The following FLT1 variants were observed in gnomAD, a reference collection of about 807,000 sequenced individuals.
FLT1 encodes the protein vascular endothelial growth factor receptor 1.
A neutral mutation model predicts 156.3 loss-of-function variants in FLT1; 49 were observed. The observed-to-expected ratio is 0.31, with a 90% CI of 0.25 to 0.40. The LOEUF (loss-of-function observed/expected upper bound fraction) is 0.40. FLT1 is among the 10% of genes least tolerant of loss of function. The pLI is 1.00. For synonymous variants in FLT1, 594 were observed against 583.8 expected (o/e 1.02, Z -0.25); for missense variants, 1,322 against 1,637.2 (o/e 0.81, Z 3.32).
At chr13:28,370,259 G>A (rs999298858) in intron 14 of FLT1, among the ~76,000 whole-genome samples, 3 of 151,940 alleles carry the variant, frequency 2.0e-5, no homozygotes, top group South Asian at 4.2e-4. Context: ...ATAGACAAAG[G>A]TCCTTTCATT....
At chr13:28,437,930 T>C (rs1172345656) in intron 4 of FLT1, among the ~76,000 whole-genome samples, 1 of 152,274 alleles carries the variant, frequency 6.6e-6, no homozygotes, top group East Asian at 1.9e-4. Context: ...TTGATTTTTC[T>C]CACATTTGCA....
intron 11 of FLT1, among the ~76,000 whole-genome samples, chr13:28,402,709 T>A (rs1478103643): frequency 6.6e-6 from 1 of 152,230 alleles, no homozygotes; most frequent in African/African-American, 2.4e-5. Flanking sequence ...CATATGACAT[T>A]CACTTTACTA....
chr13:28,351,441 C>A (rs1053452549), intron 15 of FLT1, among the ~76,000 whole-genome samples: 5 of 152,186 alleles, frequency 3.3e-5, no homozygotes, highest in African/African-American at 1.2e-4. Context: ...GCAACATAAG[C>A]CACTCAACCA....
chr13:28,354,943 A>G (rs1872847513), intron 15 of FLT1, among the ~76,000 whole-genome samples: 1 of 152,248 alleles, frequency 6.6e-6, no homozygotes, highest in Non-Finnish European at 1.5e-5. Context: ...ATTATCAGTA[A>G]TGCAGTATTC....
At chr13:28,361,958 T>A (rs1873128907) in intron 14 of FLT1, among the ~76,000 whole-genome samples, 1 of 152,206 alleles carries the variant, frequency 6.6e-6, no homozygotes, top group African/African-American at 2.4e-5. Flanking sequence ...AGAAGGAGAA[T>A]ACAGCTGGAC....
At chr13:28,376,307 C>T (rs1486411072) in intron 14 of FLT1, among the ~76,000 whole-genome samples, 1 of 152,240 alleles carries the variant, frequency 6.6e-6, no homozygotes. Context: ...TTCTCTCCTG[C>T]TCCACCCTCA....
In FLT1 at chr13:28,302,543, C is replaced by G. The variant is rs1186261220; in HGVS notation, c.*624G>C. The stretch of plus-strand genomic sequence containing the variant: ...GCTGTCCATCTGCTCCTGGCTGGGC[C>G]CTCAAATGTAGAAGGGTCAGAGCTG... On this transcript the variant is annotated 3_prime_UTR_variant, in exon 30 of 30. Coordinates refer to ENST00000282397, the MANE Select transcript of FLT1 (RefSeq NM_002019.4). 1 of 233,266 alleles carries G rather than the reference C, an allele frequency of 4.3e-6. No individual in the cohort carries two copies. The highest frequency in any genetic ancestry group is 2.2e-5 in the African/African-American group (1 of 45,338). The allele number at this position is 233,266 out of a possible 1,614,324, so 14.4% of individuals were successfully genotyped here.
chr13:28,438,096 C>A, intron 4 of FLT1, 125 bp downstream of exon 4: 1 of 872,060 alleles, frequency 1.1e-6, no homozygotes, highest in Non-Finnish European at 1.9e-6. Flanking sequence ...AAGGATGTTA[C>A]AGGAAAGTCC....
chr13:28,474,596 T>C (rs1880444583), intron 1 of FLT1, among the ~76,000 whole-genome samples: 1 of 151,926 alleles, frequency 6.6e-6, no homozygotes, highest in Non-Finnish European at 1.5e-5. Context: ...ATTCCATTTA[T>C]ATGAAATGTT....
chr13:28,430,206 A>G, intron 7 of FLT1, 39 bp from the exon 8 acceptor site: 1 of 1,455,686 alleles, frequency 6.9e-7, no homozygotes, highest in Non-Finnish European at 9.7e-7. Context: ...AGAAAAGAAT[A>G]ATTTCCATAA....
In FLT1 at chr13:28,303,120, G is replaced by A. The variant is rs781195201; in HGVS notation, c.*47C>T. The A allele has an allele frequency of 2.6e-6, 4 of 1,537,944 alleles. No individual in the cohort carries two copies. The highest frequency in any genetic ancestry group is 3.6e-6 in the Non-Finnish European group (4 of 1,122,082). On this transcript the variant is annotated 3_prime_UTR_variant, in exon 30 of 30. Coordinates refer to ENST00000282397, the MANE Select transcript of FLT1 (RefSeq NM_002019.4). ...TACTGGCAAAAGCTAGTTTCCTGGG[G>A]GTATAAATACACATGTGCTTCTAGA...
At chr13:28,494,735 C>A (rs1208988531) in intron 1 of FLT1, 45 bp downstream of exon 1, 2 of 1,478,696 alleles carry the variant, frequency 1.4e-6, no homozygotes, top group Admixed American at 3.9e-5. Context: ...CTCCGGCCGC[C>A]CCATCGCAGC....
intron 23 of FLT1, 33 bp from the exon 24 acceptor site, chr13:28,319,567 G>C: frequency 1.5e-6 from 2 of 1,346,874 alleles, no homozygotes; most frequent in Non-Finnish European, 2.1e-6. Context: ...TGAGCAGAAG[G>C]GCATGAAAAC....
intron 3 of FLT1, among the ~76,000 whole-genome samples, chr13:28,448,851 C>G (rs1202715728): frequency 4.6e-5 from 7 of 152,110 alleles, no homozygotes; most frequent in Non-Finnish European, 1.0e-4. Context: ...TGGAATGGTT[C>G]CCAGAGATCT....
At chr13:28,386,477 T>C in intron 13 of FLT1, 1 of 1,047,498 alleles carries the variant, frequency 9.5e-7, no homozygotes, top group Non-Finnish European at 1.2e-6. Context: ...AAAAGTGTGC[T>C]GAAGGAAGTG....
chr13:28,426,627 G>C (rs143877525), intron 10 of FLT1, among the ~76,000 whole-genome samples: 1 of 152,180 alleles, frequency 6.6e-6, no homozygotes, highest in Admixed American at 6.5e-5. Flanking sequence ...AGAAGGTGAC[G>C]TAAGAGCTGA....
intron 15 of FLT1, among the ~76,000 whole-genome samples, chr13:28,355,359 A>G (rs1387884086): frequency 6.6e-6 from 1 of 152,238 alleles, no homozygotes; most frequent in African/African-American, 2.4e-5. Context: ...TAAAGGTCCT[A>G]AATAAATATT....
intron 14 of FLT1, chr13:28,368,473 C>G: frequency 1.3e-6 from 2 of 1,503,438 alleles, no homozygotes; most frequent in Non-Finnish European, 1.8e-6. Flanking sequence ...TTATGATTGT[C>G]TTGGCTCTCC....
Position 28,318,083 on chromosome 13 carries a change from C to T in FLT1, c.3287-486G>A, listed in dbSNP as rs573574263. 8.5e-5 allele frequency among the ~76,000 whole-genome samples: 13 copies of T among 152,220 alleles called. No individual in the cohort carries two copies. The South Asian group carries it at 1.0e-3, about 12-fold the overall frequency. On this transcript the variant is annotated intron_variant, in intron 24 of 29. Transcript: ENST00000282397. The stretch of plus-strand genomic sequence containing the variant: ...AAGCAATCCTCCCACCTCAGCCTCC[C>T]GAGCAGCTGGGACTCCAGGTGCTCA...
Sources: allele counts gnomAD v4.1 joint callset (sites outside exome capture counted in the v4.1 genomes callset), GRCh38; gene constraint gnomAD v4.1.1; transcripts MANE v1.5; gene names NCBI Gene and HGNC (gene_info 2026-07-23, HGNC 2026-07-21).